The following NUMB variants were observed in gnomAD, a reference collection of about 807,000 sequenced individuals.
The protein encoded by NUMB is protein numb homolog.
NUMB carries 29 observed loss-of-function variants against 59.7 expected under a neutral mutation model. That is an observed-to-expected ratio of 0.49 (90% CI 0.36 to 0.66). The LOEUF is 0.66. Among genes scored for constraint, NUMB ranks in the 30% least tolerant of loss-of-function variants. NUMB has a pLI of 0.00. For synonymous variants in NUMB, 288 were observed against 288.2 expected (o/e 1.00, Z 0.01); for missense variants, 723 against 822.0 (o/e 0.88, Z 1.47).
intron 1 of NUMB, among the ~76,000 whole-genome samples, chr14:73,420,319 A>C (rs1431353503): frequency 6.6e-6 from 1 of 152,248 alleles, no homozygotes; most frequent in East Asian, 1.9e-4. Context: ...AAGGAAACCA[A>C]GACAGCTGTC....
intron 1 of NUMB, among the ~76,000 whole-genome samples, chr14:73,417,681 G>A (rs1897189254): frequency 6.6e-6 from 1 of 152,120 alleles, no homozygotes; most frequent in South Asian, 2.1e-4. Flanking sequence ...CCATTTCTAG[G>A]TATATACCCA....
At chr14:73,294,243 C>T (rs1473890148) in intron 7 of NUMB, among the ~76,000 whole-genome samples, 3 of 151,918 alleles carry the variant, frequency 2.0e-5, no homozygotes, top group Non-Finnish European at 2.9e-5. Flanking sequence ...TGTCTTGCTC[C>T]GTCATCCAGG....
intron 4 of NUMB, among the ~76,000 whole-genome samples, chr14:73,331,536 A>G (rs1213652998): frequency 6.6e-6 from 1 of 152,152 alleles, no homozygotes; most frequent in Non-Finnish European, 1.5e-5. Context: ...CAACAGAGCA[A>G]GACTCCGTCT....
At chr14:73,359,453 A>T (rs188556633) in intron 3 of NUMB, among the ~76,000 whole-genome samples, 1 of 152,360 alleles carries the variant, frequency 6.6e-6, no homozygotes, top group East Asian at 1.9e-4. Context: ...ACTTCATTAG[A>T]ATAGTATTAC....
In NUMB at chr14:73,385,629, G is replaced by A. The variant is rs1447499193; in HGVS notation, c.-100-18648C>T. Among the ~76,000 whole-genome samples, 3 of 150,858 alleles carry A rather than the reference G, an allele frequency of 2.0e-5. No individual in the cohort carries two copies. The Admixed American group carries it at 2.0e-4, about 10-fold the overall frequency. On this transcript the variant is annotated intron_variant, in intron 2 of 12. Transcript: ENST00000555238. ...CGATTCTTGTACCTCAGTCACCCGA[G>A]TAGCTGGGATTACAGGCATGTGCCA...
At position 73,276,689 on chromosome 14, in the gene NUMB, A is replaced by C; in HGVS notation, c.1845T>G (p.Pro615=). ...CTAATGCAGCCCACTGGGCTTCAAA[A>C]GGATCCACTGGGCAGGTGCCTGTAG... is the stretch of plus-strand genomic sequence containing the variant. ...EVPTGTCPVD[P]FEAQWAALEN... The change falls in exon 13 of 13, where the codon CCT becomes CCG. Residue 615 remains proline (P), a synonymous_variant. Coordinates refer to ENST00000555238, the MANE Select transcript of NUMB (RefSeq NM_001005743.2). The C allele has an allele frequency of 6.2e-7, 1 of 1,614,212 alleles. No homozygotes were observed. The highest frequency in any genetic ancestry group is 2.2e-5 in the East Asian group (1 of 44,880).
intron 4 of NUMB, among the ~76,000 whole-genome samples, chr14:73,335,845 A>G (rs1892281323): frequency 6.6e-6 from 1 of 152,234 alleles, no homozygotes; most frequent in African/African-American, 2.4e-5. Context: ...ATACATACAT[A>G]GCCTATGCTA....
intron 11 of NUMB, among the ~76,000 whole-genome samples, chr14:73,280,743 G>A (rs991940692): frequency 1.4e-5 from 2 of 144,568 alleles, no homozygotes; most frequent in Non-Finnish European, 3.0e-5. Flanking sequence ...ACCCAGGCTG[G>A]AGTGCAATGG....
intron 2 of NUMB, among the ~76,000 whole-genome samples, chr14:73,406,400 C>T (rs1274869521): frequency 1.3e-5 from 2 of 151,998 alleles, no homozygotes; most frequent in African/African-American, 4.8e-5. Flanking sequence ...CAGCTTCATC[C>T]ATGTCCCTAC....
chr14:73,277,886 C>T (rs1480529508), intron 12 of NUMB, among the ~76,000 whole-genome samples: 18 of 151,824 alleles, frequency 1.2e-4, no homozygotes, highest in Admixed American at 1.2e-3. Context: ...GGTGAAACCC[C>T]GTCTCTACTA....
chr14:73,394,422 A>AAG lies in NUMB; in HGVS notation c.-101+15513_-101+15514dup, dbSNP rs1259771213. ...GTTTTCTTTAAAAAAAAAAAAAAAAAAGAGAGAGAGATTGTCTCACTCTGT... is the reference window on the plus strand; with the variant it reads ...GTTTTCTTTAAAAAAAAAAAAAAAAAAGAGAGAGAGAGATTGTCTCACTCTGT... On this transcript the variant is annotated intron_variant, in intron 2 of 12. Transcript: ENST00000555238. Among the ~76,000 whole-genome samples, 668 of 147,812 alleles carry AAG rather than the reference A, an allele frequency of 4.5e-3. 3 individuals are homozygous for AAG. The highest frequency in any genetic ancestry group is 0.014 in the African/African-American group (545 of 39,262).
intron 1 of NUMB, among the ~76,000 whole-genome samples, chr14:73,421,367 T>C (rs902176885): frequency 2.0e-5 from 3 of 152,036 alleles, no homozygotes; most frequent in African/African-American, 4.8e-5. Context: ...GTATTTTTAG[T>C]AGAGACGGGG....
At chr14:73,433,817 C>T (rs1281999986) in intron 1 of NUMB, among the ~76,000 whole-genome samples, 1 of 152,080 alleles carries the variant, frequency 6.6e-6, no homozygotes, top group Non-Finnish European at 1.5e-5. Flanking sequence ...AGGCCAGGCG[C>T]GGTGGCCCAT....
chr14:73,369,331 G>A (rs1395220672), intron 2 of NUMB, among the ~76,000 whole-genome samples: 1 of 152,110 alleles, frequency 6.6e-6, no homozygotes, highest in African/African-American at 2.4e-5. Flanking sequence ...GTGAGCCACC[G>A]CGCCTGGCCC....
At chr14:73,454,617 C>A (rs1397790048) in intron 1 of NUMB, among the ~76,000 whole-genome samples, 1 of 152,078 alleles carries the variant, frequency 6.6e-6, no homozygotes, top group Non-Finnish European at 1.5e-5. Flanking sequence ...AAATCACTTA[C>A]CTAAATAAAA....
At chr14:73,290,353 G>A (rs1364956918) in intron 8 of NUMB, among the ~76,000 whole-genome samples, 1 of 152,152 alleles carries the variant, frequency 6.6e-6, no homozygotes, top group African/African-American at 2.4e-5. Flanking sequence ...CCTATGCTAA[G>A]TGTGCTTATA....
In NUMB at chr14:73,436,377, C is replaced by T. The variant is rs59219832; in HGVS notation, c.-233+22116G>A. Among the ~76,000 whole-genome samples the T allele has an allele frequency of 4.1e-3, 629 of 152,220 alleles. 3 individuals carry two copies. The highest frequency in any genetic ancestry group is 0.014 in the African/African-American group (594 of 41,544). Reference sequence around the variant, plus strand: ...TGTCGCCCAGGATGGACCACAGTAGCGTGATCTCGGCTCACTGCAACCTCT... The same window carrying T: ...TGTCGCCCAGGATGGACCACAGTAGTGTGATCTCGGCTCACTGCAACCTCT... On this transcript the variant is annotated intron_variant, in intron 1 of 12. Coordinates refer to ENST00000555238, the MANE Select transcript of NUMB (RefSeq NM_001005743.2).
intron 4 of NUMB, among the ~76,000 whole-genome samples, chr14:73,331,012 T>C (rs904004492): frequency 3.9e-5 from 6 of 152,044 alleles, no homozygotes; most frequent in Admixed American, 6.6e-5. Flanking sequence ...AGTCCCAGAG[T>C]CCAAAGGCTG....
intron 2 of NUMB, among the ~76,000 whole-genome samples, chr14:73,367,717 G>A (rs542438162): frequency 6.7e-6 from 1 of 148,662 alleles, no homozygotes; most frequent in Non-Finnish European, 1.5e-5. Context: ...CAAGGCTGCA[G>A]CGAGCTGTGA....
Sources: allele counts gnomAD v4.1 joint callset (sites outside exome capture counted in the v4.1 genomes callset), GRCh38; gene constraint gnomAD v4.1.1; transcripts MANE v1.5; gene names NCBI Gene and HGNC (gene_info 2026-07-23, HGNC 2026-07-21).